Variants in LRP1 observed in about 807,000 individuals in gnomAD.
The protein encoded by LRP1 is prolow-density lipoprotein receptor-related protein 1.
A neutral mutation model predicts 541.5 loss-of-function variants in LRP1; 51 were observed. The observed-to-expected ratio is 0.09, with a 90% CI of 0.08 to 0.12. LRP1 has a LOEUF of 0.12. Ranked by LOEUF, LRP1 falls within the 10% of genes least tolerant of loss-of-function variation. The pLI is 1.00. For synonymous variants in LRP1, 2,219 were observed against 2,470.8 expected (o/e 0.90, Z 3.02); for missense variants, 3,878 against 6,376.2 (o/e 0.61, Z 13.34).
In LRP1 at chr12:57,206,576, G is replaced by A. The variant is rs1315201660; in HGVS notation, c.11694G>A (p.Glu3898=). 6.2e-7 allele frequency: 1 copy of A among 1,614,224 alleles called. No individual in the cohort carries two copies. Among genetic ancestry groups the A allele is most frequent in the Non-Finnish European group, 8.5e-7 (1 of 1,180,050 alleles). The change falls in exon 76 of 89, where the codon GAG becomes GAA. Residue 3898 remains glutamate, a synonymous_variant. Coordinates refer to ENST00000243077, the MANE Select transcript of LRP1 (RefSeq NM_002332.3). This position sits in a 1 kb window ranked among gnomAD's most constrained non-coding sequence, Gnocchi z 4.7. ...ACGAGCAGGCATTCCAGGGTGACGA[G>A]AGTGTCCGCATTGATGCTATGGATG... The part of the protein sequence containing the change: ...SAYEQAFQGD[E]SVRIDAMDVH...
rs1565743366 is a variant in LRP1, at chr12:57,191,374, C to G, written c.7291C>G (p.His2431Asp). Residue 2431 changes from histidine (H) to aspartate (D), a missense_variant, in exon 44 of 89, where the codon CAC (histidine) becomes GAC (aspartate). His to Asp is a moderately conservative substitution (Grantham distance 81). This residue lies in a region of LRP1 where 1,100 missense variants were observed against 1,827.4 expected (regional missense o/e 0.60). Coordinates refer to ENST00000243077, the MANE Select transcript of LRP1 (RefSeq NM_002332.3). ...CTTCGGGCTGGCCGTGTATGGGGAG[C>G]ACATTTTCTGGACTGACTGGGTGCG... ...HPFGLAVYGE[H>D]IFWTDWVRRA... 1 of 1,613,260 alleles carries G rather than the reference C, an allele frequency of 6.2e-7. No homozygotes were observed.
rs776965719 is a variant in LRP1 at position 57,162,911 on chromosome 12, G to A, written c.2458G>A (p.Ala820Thr). The change falls in exon 15 of 89, where the codon GCC becomes ACC. Residue 820 changes from alanine (A) to threonine (T), a missense_variant. Around this residue, in one of 13 missense-constraint regions of LRP1, gnomAD observed 496 missense variants for 861.0 expected, o/e 0.58. Coordinates refer to ENST00000243077, the MANE Select transcript of LRP1 (RefSeq NM_002332.3). The surrounding 1 kb of genome is among the most constrained non-coding windows in gnomAD (Gnocchi z 5.2). The part of the protein sequence containing the change: ...NNGGCSSLCL[A>T]TPGSRQCACA... ...TGGCGGCTGCAGCAGCCTGTGCTTG[G>A]CCACCCCTGGGAGCCGCCAGTGCGC... 2.5e-5 allele frequency: 40 copies of A among 1,609,100 alleles called. No homozygotes were observed. Among genetic ancestry groups the A allele is most frequent in the Non-Finnish European group, 3.1e-5 (37 of 1,178,896 alleles).
chr12:57,195,153 C>T, intron 51 of LRP1, 52 bp downstream of exon 51: 1 of 1,595,352 alleles, frequency 6.3e-7, no homozygotes. Flanking sequence ...GGGACAGACC[C>T]CACCCAACTC....
In LRP1 at chr12:57,162,343, C is replaced by T. The variant is rs1379906563; in HGVS notation, c.2229C>T (p.Asn743=). The T allele has an allele frequency of 4.3e-6, 7 of 1,614,066 alleles. No individual in the cohort carries two copies. Among genetic ancestry groups the T allele is most frequent in the Admixed American group, 1.7e-5 (1 of 59,998 alleles). The change falls in exon 14 of 89, where the codon AAC becomes AAT. Residue 743 remains asparagine (N), a synonymous_variant. Transcript: ENST00000243077. The surrounding 1 kb of genome is among the most constrained non-coding windows in gnomAD (Gnocchi z 5.2). ...TTGTGTATGAAGGTCCTGAGCTGAACCACGCCTTTGGCCTGTGTCACCATG... is the reference window on the plus strand; with the variant it reads ...TTGTGTATGAAGGTCCTGAGCTGAATCACGCCTTTGGCCTGTGTCACCATG... The part of the protein sequence containing the change: ...RKIVYEGPEL[N]HAFGLCHHGN...
Position 57,154,493 on chromosome 12 carries a change from C to G in LRP1, c.1019C>G (p.Thr340Ser), listed in dbSNP as rs757406803. The G allele has an allele frequency of 6.2e-7, 1 of 1,613,108 alleles. No homozygotes were observed. Among genetic ancestry groups the G allele is most frequent in the Non-Finnish European group, 8.5e-7 (1 of 1,179,088 alleles). The change falls in exon 8 of 89, where the codon ACT becomes AGT. Residue 340 changes from threonine to serine, a missense_variant. Physicochemically the swap from Thr to Ser is moderately conservative, Grantham distance 58. This residue lies in a region of LRP1 where 496 missense variants were observed against 861.0 expected (regional missense o/e 0.58). Transcript: ENST00000243077. This position sits in a 1 kb window ranked among gnomAD's most constrained non-coding sequence, Gnocchi z 4.6. ...LDPAMGKVFF[T>S]DYGQIPKVER... The stretch of plus-strand genomic sequence containing the variant: ...TCTTCCCACAGGAAGGTGTTTTTCA[C>G]TGACTATGGGCAGATCCCAAAGGTG...
At position 57,200,826 on chromosome 12, in the gene LRP1, G is replaced by GCACCC; in HGVS notation, c.10225+12_10225+13insACCCC. ...ACGAGGCCAACTGTGGTAAGGCGCT[G>GCACCC]CCCGCCCACCCTCCCTCCTTCCCCA... On this transcript the variant is annotated intron_variant, in intron 64 of 88. Coordinates refer to ENST00000243077, the MANE Select transcript of LRP1 (RefSeq NM_002332.3). The GCACCC allele has an allele frequency of 1.9e-6, 3 of 1,581,436 alleles. No individual in the cohort carries two copies. The highest frequency in any genetic ancestry group is 8.6e-7 in the Non-Finnish European group (1 of 1,157,678).
rs745980198 is a variant in LRP1, at chr12:57,197,148, G to A, written c.9059G>A (p.Ser3020Asn). 6.2e-7 allele frequency: 1 copy of A among 1,613,992 alleles called. No individual in the cohort carries two copies. The highest frequency in any genetic ancestry group is 2.2e-5 in the East Asian group (1 of 44,884). Reference sequence around the variant, plus strand: ...GCACCCCGCGGCGGCGACCCCCACAGCTGCAAGGCTGTGACTGGTGAGATG... The same window carrying A: ...GCACCCCGCGGCGGCGACCCCCACAACTGCAAGGCTGTGACTGGTGAGATG... ...GYAPRGGDPH[S>N]CKAVTDEEPF... Residue 3020 changes from serine (S) to asparagine (N), a missense_variant, in exon 56 of 89, where the codon AGC (serine) becomes AAC (asparagine). Ser to Asn is a conservative substitution (Grantham distance 46). This residue lies in a region of LRP1 where 1,100 missense variants were observed against 1,827.4 expected (regional missense o/e 0.60). Transcript: ENST00000243077. This position sits in a 1 kb window ranked among gnomAD's most constrained non-coding sequence, Gnocchi z 4.5.
intron 1 of LRP1, among the ~76,000 whole-genome samples, chr12:57,134,922 G>C (rs2035124401): frequency 6.6e-6 from 1 of 152,134 alleles, no homozygotes; most frequent in South Asian, 2.1e-4. Flanking sequence ...AGCCAGGATG[G>C]TCTCGATCTC....
chr12:57,179,764 C>G lies in LRP1; in HGVS notation c.4967-18C>G. On this transcript the variant is annotated intron_variant, in intron 29 of 88. Coordinates refer to ENST00000243077, the MANE Select transcript of LRP1 (RefSeq NM_002332.3). The surrounding 1 kb of genome is among the most constrained non-coding windows in gnomAD (Gnocchi z 6.8). Reference sequence around the variant, plus strand: ...CCCTGCAGACACCCAACAACTGACTCCCTACTTGTGCCCCCAGACTTGCCA... The same window carrying G: ...CCCTGCAGACACCCAACAACTGACTGCCTACTTGTGCCCCCAGACTTGCCA... 6.2e-7 allele frequency: 1 copy of G among 1,611,546 alleles called. No individual in the cohort carries two copies. Among genetic ancestry groups the G allele is most frequent in the Non-Finnish European group, 8.5e-7 (1 of 1,178,536 alleles).
At position 57,194,494 on chromosome 12, in the gene LRP1, G is replaced by A. The variant is rs754916681; in HGVS notation, c.8059G>A (p.Asp2687Asn). The change falls in exon 49 of 89, where the codon GAC becomes AAC. Residue 2687 changes from aspartate to asparagine, a missense_variant. By Grantham distance (23) the Asp-to-Asn change is conservative. Around this residue, in one of 13 missense-constraint regions of LRP1, gnomAD observed 1,100 missense variants for 1,827.4 expected, o/e 0.60. Coordinates refer to ENST00000243077, the MANE Select transcript of LRP1 (RefSeq NM_002332.3). ...CTGTGGGGACTACAGTGATGAGCGC[G>A]ACTGCCCAGGTGGGCGGGGGCAGGT... ...NDCGDYSDER[D>N]CPGVKRPRCP... The A allele has an allele frequency of 3.6e-5, 58 of 1,606,970 alleles. No individual in the cohort carries two copies. The highest frequency in any genetic ancestry group is 4.5e-5 in the Non-Finnish European group (53 of 1,176,932).
Position 57,211,102 on chromosome 12 carries a change from A to G in LRP1, c.12917-74A>G. 6.6e-6 allele frequency: 10 copies of G among 1,520,738 alleles called. No homozygotes were observed. Among genetic ancestry groups the G allele is most frequent in the Non-Finnish European group, 8.1e-6 (9 of 1,109,366 alleles). 94.2% of individuals were successfully genotyped at this position (1,520,738 alleles called of 1,614,324 possible). A position where few individuals can be genotyped will look rare whatever the true frequency, so the allele number is the denominator to read the frequency against. ...CCTGCACCAAGATTATGCAAACAGA[A>G]AAGCTCTGTTCAACCTATGGAGAGC... On this transcript the variant is annotated intron_variant, in intron 83 of 88. Coordinates refer to ENST00000243077, the MANE Select transcript of LRP1 (RefSeq NM_002332.3). The surrounding 1 kb of genome is among the most constrained non-coding windows in gnomAD (Gnocchi z 4.3).
At chr12:57,191,787 C>T (rs1298625649) in intron 44 of LRP1, among the ~76,000 whole-genome samples, 7 of 142,918 alleles carry the variant, frequency 4.9e-5, no homozygotes, top group Admixed American at 2.1e-4. Context: ...CCCACATACA[C>T]ACACCACACA....
At chr12:57,146,396 G>C (rs1305837979) in intron 6 of LRP1, 1 of 152,228 alleles carries the variant, frequency 6.6e-6, no homozygotes, top group African/African-American at 2.4e-5. Flanking sequence ...TAATGGGTTT[G>C]AGCTTGTCTG....
Position 57,156,213 on chromosome 12 carries a change from G to T in LRP1, c.1347G>T (p.Glu449Asp). 1 of 1,614,136 alleles carries T rather than the reference G, an allele frequency of 6.2e-7. No individual in the cohort carries two copies. The highest frequency in any genetic ancestry group is 8.5e-7 in the Non-Finnish European group (1 of 1,180,024). Residue 449 changes from glutamate (E) to aspartate (D), a missense_variant, in exon 9 of 89, where the codon GAG becomes GAT. Coordinates refer to ENST00000243077, the MANE Select transcript of LRP1 (RefSeq NM_002332.3). This position sits in a 1 kb window ranked among gnomAD's most constrained non-coding sequence, Gnocchi z 5.2. ...VIRVNRFNST[E>D]YQVVTRVDKG... Reference sequence around the variant, plus strand: ...GTGTGAACCGCTTTAACAGCACCGAGTACCAGGTTGTCACCCGGGTGGACA... The same window carrying T: ...GTGTGAACCGCTTTAACAGCACCGATTACCAGGTTGTCACCCGGGTGGACA...
At chr12:57,207,717 A>G (rs1049006355) in intron 76 of LRP1, among the ~76,000 whole-genome samples, 13 of 152,224 alleles carry the variant, frequency 8.5e-5, no homozygotes, top group African/African-American at 2.9e-4. Flanking sequence ...GCAGGCAGAC[A>G]GCCCTCCGGC....
intron 77 of LRP1, 167 bp downstream of exon 77, chr12:57,208,383 A>T: frequency 5.4e-6 from 4 of 734,264 alleles, no homozygotes; most frequent in African/African-American, 1.8e-5. Flanking sequence ...GGCCCTCCCC[A>T]TGCTGCCTCT....
chr12:57,196,886 G>T (rs965965996), intron 55 of LRP1, 96 bp from the exon 56 acceptor site: 2 of 1,109,458 alleles, frequency 1.8e-6, no homozygotes, highest in African/African-American at 3.1e-5. Context: ...CCCTAGTGAG[G>T]CCGGGTAGAG....
In LRP1 at chr12:57,145,028, G is replaced by A. The variant is rs765594971; in HGVS notation, c.505G>A (p.Gly169Ser). Residue 169 changes from glycine (G) to serine (S), a missense_variant, in exon 5 of 89, where the codon GGC (glycine) becomes AGC (serine). By Grantham distance (56) the Gly-to-Ser change is moderately conservative. Around this residue, in one of 13 missense-constraint regions of LRP1, gnomAD observed 293 missense variants for 403.7 expected, o/e 0.73. Coordinates refer to ENST00000243077, the MANE Select transcript of LRP1 (RefSeq NM_002332.3). ...CAGCCAGCTATGCACCAACACAGAC[G>A]GCTCCTTCATATGTGGCTGTGTTGA... Reference protein sequence around the residue: ...TCSQLCTNTDGSFICGCVEGY... With the variant: ...TCSQLCTNTDSSFICGCVEGY... The A allele has an allele frequency of 3.1e-5, 50 of 1,613,910 alleles. No individual in the cohort carries two copies. The highest frequency in any genetic ancestry group is 3.6e-5 in the Non-Finnish European group (43 of 1,180,024).
At chr12:57,159,436 T>G (rs2035684609) in intron 11 of LRP1, among the ~76,000 whole-genome samples, 1 of 152,226 alleles carries the variant, frequency 6.6e-6, no homozygotes, top group African/African-American at 2.4e-5. Context: ...CACTTCCTAA[T>G]TTATTCATTT....
Sources: gnomAD v4.1 joint callset for allele counts (sites outside exome capture counted in the v4.1 genomes callset) on GRCh38, gnomAD v4.1.1 for gene constraint, gnomAD v4.1.1 regional missense constraint, Gnocchi (gnomAD v3.1) non-coding constraint, MANE v1.5 for transcripts, NCBI Gene and HGNC (gene_info 2026-07-23, HGNC 2026-07-21) for gene names.